The following AFG1L variants were observed in gnomAD, a reference collection of about 807,000 sequenced individuals.
AFG1L encodes the protein AFG1 like ATPase.
Under a neutral mutation model 62.2 loss-of-function variants are expected in AFG1L, and 53 were observed. The observed-to-expected ratio is 0.85, with a 90% CI of 0.68 to 1.07. The LOEUF (loss-of-function observed/expected upper bound fraction) is 1.07, where lower values mean the gene tolerates loss of function less well. AFG1L is among the 50% of genes least tolerant of loss of function. The pLI, the probability that AFG1L is intolerant of heterozygous loss-of-function variation, is 0.00. For missense variants in AFG1L, 555 were observed against 590.5 expected, an observed-to-expected ratio of 0.94 and a Z score of 0.62; for synonymous variants, 228 against 210.3, an observed-to-expected ratio of 1.08 and a Z score of -0.73.
At chr6:108,355,779 G>T (rs1318815252) in intron 4 of AFG1L, 24 bp downstream of exon 4, 4 of 1,459,288 alleles carry the variant, frequency 2.7e-6, no homozygotes, top group South Asian at 2.4e-5. Context: ...TGAAAGAAGT[G>T]ATTTTTTCAG....
chr6:108,397,183 C>T (rs1781350733), intron 6 of AFG1L, among the ~76,000 whole-genome samples: 1 of 152,126 alleles, frequency 6.6e-6, no homozygotes, highest in Non-Finnish European at 1.5e-5. Flanking sequence ...TGCACACCAC[C>T]ATGCCTGGCT....
At chr6:108,413,629 A>G (rs1196599869) in intron 7 of AFG1L, among the ~76,000 whole-genome samples, 1 of 152,202 alleles carries the variant, frequency 6.6e-6, no homozygotes, top group Non-Finnish European at 1.5e-5. Flanking sequence ...AAAACCACTC[A>G]AGTACATGGA....
intron 2 of AFG1L, among the ~76,000 whole-genome samples, chr6:108,333,043 A>G (rs1018787181): frequency 6.6e-6 from 1 of 152,270 alleles, no homozygotes; most frequent in African/African-American, 2.4e-5. Context: ...TAAAACTTCT[A>G]GTTAACAAAA....
intron 8 of AFG1L, among the ~76,000 whole-genome samples, chr6:108,454,929 G>A (rs1331340921): frequency 6.6e-6 from 1 of 152,076 alleles, no homozygotes; most frequent in Non-Finnish European, 1.5e-5. Context: ...GTGAGCCACC[G>A]TGCCTGACCC....
At chr6:108,507,237 G>C (rs1774455694) in intron 10 of AFG1L, among the ~76,000 whole-genome samples, 1 of 152,106 alleles carries the variant, frequency 6.6e-6, no homozygotes. Context: ...TAAGTGTACA[G>C]TTCAGTGACA....
intron 11 of AFG1L, among the ~76,000 whole-genome samples, chr6:108,518,856 G>A (rs1775007889): frequency 6.6e-6 from 1 of 152,206 alleles, no homozygotes; most frequent in South Asian, 2.1e-4. Flanking sequence ...GGCCTAATTA[G>A]AATAGCAATG....
chr6:108,479,926 TA>T lies in AFG1L; in HGVS notation c.1062+2636del, dbSNP rs1773264275. Among the ~76,000 whole-genome samples the T allele has an allele frequency of 2.0e-5, 3 of 152,310 alleles. No individual in the cohort carries two copies. In the South Asian group the frequency reaches 6.2e-4, roughly 32 times the overall value. ...AAGGAGTAGATTGGTTAACAGTCCA[TA>T]ATGACTATTTTTGAGCCATGGCCCC... is the stretch of plus-strand genomic sequence containing the variant. On this transcript the variant is annotated intron_variant, in intron 10 of 12. Coordinates refer to ENST00000368977, the MANE Select transcript of AFG1L (RefSeq NM_145315.5).
In AFG1L at chr6:108,447,382, T is replaced by A. The variant is rs1582602373; in HGVS notation, c.890+86T>A. The A allele has an allele frequency of 2.1e-5, 16 of 758,312 alleles. No individual in the cohort carries two copies. The East Asian group carries it at 4.3e-4, about 21-fold the overall frequency. The allele number at this position is 758,312 out of a possible 1,614,324, so 47.0% of individuals were successfully genotyped here. A position where few individuals can be genotyped will look rare whatever the true frequency, so the allele number is the denominator to read the frequency against. The stretch of plus-strand genomic sequence containing the variant: ...AATAAGCAGTTTAATTATTGGAACG[T>A]GAAAGGCTGGTTCTGAAGCCCATGA... On this transcript the variant is annotated intron_variant, in intron 8 of 12. Coordinates refer to ENST00000368977, the MANE Select transcript of AFG1L (RefSeq NM_145315.5).
intron 2 of AFG1L, among the ~76,000 whole-genome samples, chr6:108,334,618 G>A (rs1171340286): frequency 2.6e-5 from 4 of 151,094 alleles, no homozygotes; most frequent in Non-Finnish European, 5.9e-5. Flanking sequence ...TATGAAATAT[G>A]TTTATAAGAG....
At chr6:108,500,167 C>CATGCGTGT (rs1554204015) in intron 10 of AFG1L, among the ~76,000 whole-genome samples, 5 of 73,098 alleles carry the variant, frequency 6.8e-5, no homozygotes, top group South Asian at 5.4e-4. Context: ...TTCCATGGTG[C>CATGCGTGT]GTGCGTGTGT....
intron 3 of AFG1L, among the ~76,000 whole-genome samples, chr6:108,352,391 G>A (rs1280400183): frequency 6.6e-6 from 1 of 152,096 alleles, no homozygotes; most frequent in African/African-American, 2.4e-5. Context: ...GGATGCCCTT[G>A]GATACTAAAA....
intron 3 of AFG1L, among the ~76,000 whole-genome samples, chr6:108,353,668 G>T (rs1270544380): frequency 6.6e-6 from 1 of 151,492 alleles, no homozygotes; most frequent in Non-Finnish European, 1.5e-5. Context: ...ATGCATTTTT[G>T]GTTAGATAAT....
At chr6:108,323,423 G>C (rs1423387251) in intron 1 of AFG1L, among the ~76,000 whole-genome samples, 2 of 152,080 alleles carry the variant, frequency 1.3e-5, no homozygotes, top group Non-Finnish European at 2.9e-5. Context: ...GAGTACAGTG[G>C]CACAATCTCT....
chr6:108,487,825 GT>G (rs1773629347), intron 10 of AFG1L, among the ~76,000 whole-genome samples: 1 of 152,218 alleles, frequency 6.6e-6, no homozygotes, highest in African/African-American at 2.4e-5. Context: ...CAGAGTGCAT[GT>G]TGGGGAGGAA....
At chr6:108,313,253 A>G (rs1225084960) in intron 1 of AFG1L, among the ~76,000 whole-genome samples, 1 of 152,190 alleles carries the variant, frequency 6.6e-6, no homozygotes, top group Non-Finnish European at 1.5e-5. Context: ...ACTGGGGGCC[A>G]CAGATGCCAC....
At chr6:108,519,614 G>T in intron 11 of AFG1L, 83 bp from the exon 12 acceptor site, 1 of 749,318 alleles carries the variant, frequency 1.3e-6, no homozygotes. Flanking sequence ...GTGAAAAACA[G>T]ACTTTTATTT....
At chr6:108,329,434 G>A (rs1778185260) in intron 2 of AFG1L, among the ~76,000 whole-genome samples, 1 of 151,866 alleles carries the variant, frequency 6.6e-6, no homozygotes, top group South Asian at 2.1e-4. Context: ...GAGTAGCTGG[G>A]ATTACAGGCG....
At chr6:108,329,980 A>C (rs947643762) in intron 2 of AFG1L, among the ~76,000 whole-genome samples, 1 of 151,958 alleles carries the variant, frequency 6.6e-6, no homozygotes, top group Non-Finnish European at 1.5e-5. Flanking sequence ...GGATTAATGG[A>C]TTATCATGGA....
chr6:108,391,745 G>T lies in AFG1L; in HGVS notation c.749-10251G>T, dbSNP rs140786950. Among the ~76,000 whole-genome samples the T allele has an allele frequency of 1.5e-3, 228 of 152,144 alleles. 6 individuals carry two copies. The East Asian group carries it at 0.041, about 27-fold the overall frequency. The stretch of plus-strand genomic sequence containing the variant: ...AGGGTTTTTTTGATGTTATCTTCTG[G>T]AATTTTTTGGATGAAACATTTTAAA... On this transcript the variant is annotated intron_variant, in intron 6 of 12. Coordinates refer to ENST00000368977, the MANE Select transcript of AFG1L (RefSeq NM_145315.5).
Sources: gnomAD v4.1 joint callset for allele counts (sites outside exome capture counted in the v4.1 genomes callset) on GRCh38, gnomAD v4.1.1 for gene constraint, MANE v1.5 for transcripts, NCBI Gene and HGNC (gene_info 2026-07-23, HGNC 2026-07-21) for gene names.